The following CFAP251 variants were observed in gnomAD, a reference collection of about 807,000 sequenced individuals.
CFAP251 encodes cilia and flagella associated protein 251, also known as cilia- and flagella-associated protein 251.
In CFAP251, 93 loss-of-function variants were observed where a neutral mutation model predicts 126.7. The ratio of observed to expected loss-of-function variants is 0.73; its 90% CI spans 0.62 to 0.87. CFAP251 has a LOEUF of 0.87. Among genes scored for constraint, CFAP251 ranks in the 40% least tolerant of loss-of-function variants. The probability of loss-of-function intolerance (pLI) is 0.00; values close to 1 mark genes in which losing one functional copy is unlikely to be tolerated. For synonymous variants in CFAP251, 503 were observed against 506.9 expected, an observed-to-expected ratio of 0.99 and a Z score of 0.10; for missense variants, 1,287 against 1,389.2, an observed-to-expected ratio of 0.93 and a Z score of 1.17.
intron 17 of CFAP251, chr12:121,971,507 C>G (rs546944632): frequency 1.0e-5 from 7 of 701,724 alleles, no homozygotes; most frequent in Non-Finnish European, 1.8e-5. Context: ...TTCTCAGGGC[C>G]GGGGCCTGCA....
intron 8 of CFAP251, chr12:121,949,318 A>G: frequency 4.7e-6 from 1 of 213,240 alleles, no homozygotes; most frequent in East Asian, 1.0e-4. Context: ...TTTATTTAAC[A>G]AGACTAAAAT....
chr12:121,947,410 C>G (rs527493703), intron 7 of CFAP251, among the ~76,000 whole-genome samples: 2 of 152,216 alleles, frequency 1.3e-5, no homozygotes, highest in African/African-American at 4.8e-5. Context: ...CTTCTTTCTG[C>G]TGATTGCTTT....
In CFAP251 at chr12:121,975,239, T is replaced by A; in HGVS notation, c.2772-5T>A. On this transcript the variant is annotated splice_region_variant and splice_polypyrimidine_tract_variant and intron_variant, in intron 17 of 21. Transcript: ENST00000288912. ...CTAATAGAGACATTTCTGTTGTTGT[T>A]CCAGTGTCCTGGAGGCAGCGGTTTC... 1 of 1,613,618 alleles carries A rather than the reference T, an allele frequency of 6.2e-7. No homozygotes were observed. The highest frequency in any genetic ancestry group is 8.5e-7 in the Non-Finnish European group (1 of 1,179,724).
intron 19 of CFAP251, among the ~76,000 whole-genome samples, chr12:121,978,765 G>C (rs1287798434): frequency 6.6e-6 from 1 of 152,110 alleles, no homozygotes; most frequent in Non-Finnish European, 1.5e-5. Flanking sequence ...AACTTAATTG[G>C]ACCACTCTCC....
intron 9 of CFAP251, chr12:121,952,603 C>G (rs114582559): frequency 5.9e-5 from 9 of 152,148 alleles, no homozygotes; most frequent in African/African-American, 1.9e-4. Flanking sequence ...GCCGCAAGCT[C>G]TTGTGTCTGA....
intron 15 of CFAP251, among the ~76,000 whole-genome samples, chr12:121,962,700 A>G (rs1006063177): frequency 2.2e-5 from 1 of 45,930 alleles, no homozygotes; most frequent in African/African-American, 5.4e-5. Flanking sequence ...TGCAAAGAAG[A>G]AAAAAAAAAA....
chr12:121,947,492 G>T (rs979777207), intron 7 of CFAP251, among the ~76,000 whole-genome samples: 4 of 151,878 alleles, frequency 2.6e-5, no homozygotes, highest in African/African-American at 4.8e-5. Flanking sequence ...TGAGATGGGG[G>T]TCTTGCTCTG....
At chr12:121,976,548 C>T (rs1345892913) in intron 19 of CFAP251, among the ~76,000 whole-genome samples, 1 of 152,104 alleles carries the variant, frequency 6.6e-6, no homozygotes, top group African/African-American at 2.4e-5. Context: ...CCCCTAGATG[C>T]AAGAAGCCCC....
At chr12:121,976,442 G>A (rs1678966) in intron 19 of CFAP251, among the ~76,000 whole-genome samples, 2 of 152,076 alleles carry the variant, frequency 1.3e-5, no homozygotes, top group Non-Finnish European at 2.9e-5. Context: ...TCTTAACCTA[G>A]CAGGTGTTAA....
intron 20 of CFAP251, among the ~76,000 whole-genome samples, chr12:122,000,482 G>T (rs1260898031): frequency 2.0e-5 from 3 of 151,222 alleles, no homozygotes; most frequent in Non-Finnish European, 4.4e-5. Flanking sequence ...AACCCGGGAG[G>T]TGGAGGTTGC....
At chr12:121,971,436 G>A (rs931727485) in intron 17 of CFAP251, 3 of 672,840 alleles carry the variant, frequency 4.5e-6, no homozygotes, top group Non-Finnish European at 8.1e-6. Context: ...TAAGAAAGGT[G>A]TAGGAGTGTG....
chr12:121,990,279 C>T (rs546751987), intron 19 of CFAP251, among the ~76,000 whole-genome samples: 1 of 152,274 alleles, frequency 6.6e-6, no homozygotes, highest in African/African-American at 2.4e-5. Flanking sequence ...AGGAGGTGGA[C>T]CCTTCTCTAT....
In CFAP251 at chr12:121,942,979, A is replaced by G. The variant is rs373303946; in HGVS notation, c.1191+4A>G. The G allele has an allele frequency of 3.7e-4, 596 of 1,614,100 alleles. 3 individuals carry two copies. The Middle Eastern group carries it at 6.3e-3, about 17-fold the overall frequency. Reference sequence around the variant, plus strand: ...CCCCACAGAGTACGGTGTTCAGGTGAGTTCAGTTGGAGCCTGTAAACATCA... The same window carrying G: ...CCCCACAGAGTACGGTGTTCAGGTGGGTTCAGTTGGAGCCTGTAAACATCA... On this transcript the variant is annotated splice_donor_region_variant and intron_variant, in intron 7 of 21. Coordinates refer to ENST00000288912, the MANE Select transcript of CFAP251 (RefSeq NM_144668.6).
intron 19 of CFAP251, among the ~76,000 whole-genome samples, chr12:121,987,767 T>C (rs1882786192): frequency 6.6e-6 from 1 of 150,384 alleles, no homozygotes; most frequent in African/African-American, 2.4e-5. Context: ...AATACCATTC[T>C]GGGAAAGTGA....
At chr12:121,988,478 G>A (rs1278863569) in intron 19 of CFAP251, among the ~76,000 whole-genome samples, 1 of 152,206 alleles carries the variant, frequency 6.6e-6, no homozygotes, top group African/African-American at 2.4e-5. Flanking sequence ...CATGAAATAT[G>A]TGGTCTTTTG....
intron 19 of CFAP251, among the ~76,000 whole-genome samples, chr12:121,980,963 G>A (rs959773721): frequency 3.9e-5 from 6 of 152,326 alleles, no homozygotes; most frequent in Non-Finnish European, 8.8e-5. Context: ...AGCAGGCTGC[G>A]CTCTCGTAGG....
intron 17 of CFAP251, chr12:121,969,061 CCT>C (rs1882247645): frequency 1.0e-6 from 1 of 985,348 alleles, no homozygotes; most frequent in African/African-American, 1.7e-5. Flanking sequence ...CTCGGCTGGG[CCT>C]CTCTCGGTAG....
intron 19 of CFAP251, among the ~76,000 whole-genome samples, chr12:121,990,503 C>T (rs1262248656): frequency 6.6e-6 from 1 of 152,180 alleles, no homozygotes; most frequent in Non-Finnish European, 1.5e-5. Flanking sequence ...CCCTCCTCCT[C>T]ATGCTTGTTT....
chr12:121,988,433 G>T (rs1240254828), intron 19 of CFAP251, among the ~76,000 whole-genome samples: 1 of 152,138 alleles, frequency 6.6e-6, no homozygotes, highest in African/African-American at 2.4e-5. Flanking sequence ...TGTCTCTATG[G>T]ATTGGCCTAT....
Sources: allele counts gnomAD v4.1 joint callset (sites outside exome capture counted in the v4.1 genomes callset), GRCh38; gene constraint gnomAD v4.1.1; transcripts MANE v1.5; gene names NCBI Gene and HGNC (gene_info 2026-07-23, HGNC 2026-07-21).